ZNF688: variants seen among roughly 807,000 people sequenced by gnomAD.
ZNF688 encodes the protein zinc finger protein 688.
In ZNF688, 10 loss-of-function variants were observed where a neutral mutation model predicts 13.2. The ratio of observed to expected loss-of-function variants is 0.76; its 90% CI spans 0.47 to 1.28. The LOEUF (loss-of-function observed/expected upper bound fraction) is 1.28. Among genes scored for constraint, ZNF688 ranks in the 50% most tolerant of loss-of-function variants. The pLI, the probability that ZNF688 is intolerant of heterozygous loss-of-function variation, is 0.00. For synonymous variants in ZNF688, 160 were observed against 159.4 expected, an observed-to-expected ratio of 1.00 and a Z score of -0.03; for missense variants, 381 against 391.4, an observed-to-expected ratio of 0.97 and a Z score of 0.22.
intron 1 of ZNF688, 39 bp downstream of exon 1, chr16:30,571,395 C>A (rs566279427): frequency 6.5e-7 from 1 of 1,545,016 alleles, no homozygotes. Context: ...CCCTGTGAAC[C>A]CGGTGAAGGA....
At chr16:30,572,236 C>T (rs2051698727), upstream of ZNF688, 1 of 1,590,962 alleles carries the variant, frequency 6.3e-7, no homozygotes. Context: ...GGTCCTGAAG[C>T]CTCTGTTGAC....
chr16:30,573,538 G>A (rs1228680269), upstream of ZNF688, among the ~76,000 whole-genome samples: 1 of 152,190 alleles, frequency 6.6e-6, no homozygotes, highest in Non-Finnish European at 1.5e-5. Context: ...TTTGCTAAGC[G>A]TGGGGCTGGT....
In ZNF688 at chr16:30,571,519, C is replaced by G. The variant is rs1188614044; in HGVS notation, c.111G>C (p.Pro37=). The change falls in exon 1 of 3, where the codon CCG becomes CCC. Residue 37 remains proline (P), a synonymous_variant. Transcript: ENST00000223459. ...SFADVAVYFS[P]EEWGCLRPAQ... ...CGGGCCGCAGACAGCCCCACTCCTC[C>G]GGGGAGAAGTACACGGCCACGTCCG... is the stretch of plus-strand genomic sequence containing the variant. 6.3e-7 allele frequency: 1 copy of G among 1,589,048 alleles called. No individual in the cohort carries two copies. The highest frequency in any genetic ancestry group is 8.6e-7 in the Non-Finnish European group (1 of 1,168,722).
At chr16:30,571,726 C>T (rs2051689794), upstream of ZNF688, 1 of 1,341,536 alleles carries the variant, frequency 7.5e-7, no homozygotes. Flanking sequence ...AAGGGCGGCC[C>T]CGCCCAGCCG....
upstream of ZNF688, chr16:30,572,662 C>T (rs146525548): frequency 1.8e-5 from 3 of 163,412 alleles, no homozygotes; most frequent in African/African-American, 2.4e-5. Flanking sequence ...GACTCGACCT[C>T]CCGGGCTGAA....
In ZNF688 at chr16:30,570,329, G is replaced by A. The variant is rs200191944; in HGVS notation, c.418C>T (p.Pro140Ser). The A allele has an allele frequency of 1.2e-6, 2 of 1,613,998 alleles. No homozygotes were observed. Among genetic ancestry groups the A allele is most frequent in the African/African-American group, 2.7e-5 (2 of 74,940 alleles). ...ESPEVLVERN[P>S]DPAISVAPAR... ...GGGGCCACGCTAATAGCTGGGTCAG[G>A]GTTGCGTTCCACCAGCACTTCAGGA... Residue 140 changes from proline to serine, a missense_variant, in exon 3 of 3, where the codon CCT becomes TCT. By Grantham distance (74) the Pro-to-Ser change is moderately conservative. Coordinates refer to ENST00000223459, the MANE Select transcript of ZNF688 (RefSeq NM_145271.4).
rs2151231218 is a variant in ZNF688, at chr16:30,571,088, T to C, written c.232A>G (p.Met78Val). 5 of 1,597,770 alleles carry C rather than the reference T, an allele frequency of 3.1e-6. No individual in the cohort carries two copies. The East Asian group carries it at 9.0e-5, about 29-fold the overall frequency. Residue 78 changes from methionine to valine, a missense_variant, in exon 2 of 3, where the codon ATG becomes GTG. Physicochemically the swap from Met to Val is conservative, Grantham distance 21 (BLOSUM62 1). Transcript: ENST00000223459. Reference protein sequence around the residue: ...PGPKPALISWMEQESEAWSPA... With the variant: ...PGPKPALISWVEQESEAWSPA... ...CTCCAAGCCTCACTCTCCTGTTCCA[T>C]CCAAGAGATGAGGGCTGGTTTGGGG...
At chr16:30,573,786 T>A (rs2051720058), upstream of ZNF688, 1 of 276,772 alleles carries the variant, frequency 3.6e-6, no homozygotes, top group African/African-American at 2.3e-5. Context: ...TATGCATATG[T>A]TATTAATTGA....
At position 30,571,682 on chromosome 16, in the gene ZNF688, C is replaced by T. The variant is rs1215123127; in HGVS notation, c.-53G>A. On this transcript the variant is annotated 5_prime_UTR_variant, in exon 1 of 3. Transcript: ENST00000223459. Reference sequence around the variant, plus strand: ...GCCAGGTCCCTGGAGCCGCCGCCTCCCCGCTCCCGGCCTCAGCTGTCGTTG... The same window carrying T: ...GCCAGGTCCCTGGAGCCGCCGCCTCTCCGCTCCCGGCCTCAGCTGTCGTTG... The T allele has an allele frequency of 1.5e-6, 2 of 1,361,388 alleles. No homozygotes were observed. The highest frequency in any genetic ancestry group is 9.4e-7 in the Non-Finnish European group (1 of 1,061,848). The allele number at this position is 1,361,388 out of a possible 1,614,324, so 84.3% of individuals were successfully genotyped here.
At chr16:30,574,391 C>CA (rs1230023206), upstream of ZNF688, among the ~76,000 whole-genome samples, 1 of 151,794 alleles carries the variant, frequency 6.6e-6, no homozygotes, top group Non-Finnish European at 1.5e-5. Context: ...ACTAAAAATA[C>CA]AAAAATTAGC....
rs758263610 is a variant in ZNF688 at position 30,569,924 on chromosome 16, A to G, written c.823T>C (p.Cys275Arg). ...FRHYPDIFEE[C>R]G The stretch of plus-strand genomic sequence containing the variant: ...CCAGCCTGCGGTGCCGCTCAGCCGC[A>G]CTCCTCGAAGATGTCTGGGTAGTGC... The change falls in exon 3 of 3, where the codon TGC (cysteine) becomes CGC (arginine). Residue 275 changes from cysteine to arginine, a missense_variant. Coordinates refer to ENST00000223459, the MANE Select transcript of ZNF688 (RefSeq NM_145271.4). 1.3e-6 allele frequency: 2 copies of G among 1,543,044 alleles called. No individual in the cohort carries two copies. The highest frequency in any genetic ancestry group is 1.7e-6 in the Non-Finnish European group (2 of 1,145,344).
At chr16:30,571,736 G>A, upstream of ZNF688, 2 of 1,339,198 alleles carry the variant, frequency 1.5e-6, no homozygotes, top group Non-Finnish European at 1.9e-6. Context: ...CCGCCCAGCC[G>A]TGGCGTCCGA....
chr16:30,571,600 C>A lies in ZNF688; in HGVS notation c.30G>T (p.Ala10=), dbSNP rs1183680074. The A allele has an allele frequency of 2.6e-6, 4 of 1,524,324 alleles. No homozygotes were observed. The highest frequency in any genetic ancestry group is 2.6e-6 in the Non-Finnish European group (3 of 1,136,798). 94.4% of individuals were successfully genotyped at this position (1,524,324 alleles called of 1,614,324 possible). ...CAGGCCGGGTCTCCCCGGGCCTCGG[C>A]GCCAGGAGCGGGGCTGGGGGCGGCG... MAPPPAPLL[A]PRPGETRPGC... Residue 10 remains alanine, a synonymous_variant, in exon 1 of 3, where the codon GCG becomes GCT. Coordinates refer to ENST00000223459, the MANE Select transcript of ZNF688 (RefSeq NM_145271.4).
upstream of ZNF688, among the ~76,000 whole-genome samples, chr16:30,574,409 G>A (rs1464416600): frequency 1.3e-5 from 2 of 151,744 alleles, no homozygotes; most frequent in Non-Finnish European, 2.9e-5. Context: ...AGCTGGGTGT[G>A]GAGTCGGACG....
At chr16:30,577,442 G>A (rs1397256884), upstream of ZNF688, among the ~76,000 whole-genome samples, 1 of 150,422 alleles carries the variant, frequency 6.6e-6, no homozygotes, top group Non-Finnish European at 1.5e-5. Context: ...TGCAGTAGTG[G>A]GATCTTGGCT....
In ZNF688 at chr16:30,570,004, C is replaced by A. The variant is rs560920910; in HGVS notation, c.743G>T (p.Arg248Leu). ...TCGGACGGGGGCCCGAGGCACAGCCCGGATCCCAGGCCTCCGGCCCCGCCG... is the reference window on the plus strand; with the variant it reads ...TCGGACGGGGGCCCGAGGCACAGCCAGGATCCCAGGCCTCCGGCCCCGCCG... The part of the protein sequence containing the change: ...GGRRGRRPGI[R>L]AVPRAPVRGD... Residue 248 changes from arginine (R) to leucine (L), a missense_variant, in exon 3 of 3, where the codon CGG becomes CTG. Arg to Leu is a moderately radical substitution (Grantham distance 102). Transcript: ENST00000223459. The A allele has an allele frequency of 6.2e-7, 1 of 1,610,702 alleles. No homozygotes were observed. The highest frequency in any genetic ancestry group is 1.3e-5 in the African/African-American group (1 of 74,866).
upstream of ZNF688, chr16:30,572,121 C>G (rs1179756518): frequency 1.9e-6 from 3 of 1,582,966 alleles, no homozygotes; most frequent in South Asian, 1.1e-5. Flanking sequence ...GCTTCACTTA[C>G]CCCTCTGTAC....
upstream of ZNF688, chr16:30,572,271 G>C (rs759515340): frequency 5.9e-6 from 9 of 1,526,992 alleles, no homozygotes; most frequent in Middle Eastern, 1.8e-4. Context: ...CGGAGACCTC[G>C]GCATCTGCGG....
chr16:30,575,945 T>A (rs1345736940), upstream of ZNF688, among the ~76,000 whole-genome samples: 1 of 151,632 alleles, frequency 6.6e-6, no homozygotes, highest in African/African-American at 2.4e-5. Context: ...CGTGAGCCAC[T>A]GCGCCCAGTC....
Sources: gnomAD v4.1 joint callset for allele counts (sites outside exome capture counted in the v4.1 genomes callset) on GRCh38, gnomAD v4.1.1 for gene constraint, MANE v1.5 for transcripts, NCBI Gene and HGNC (gene_info 2026-07-23, HGNC 2026-07-21) for gene names.